Variants in FMO1 observed in about 807,000 individuals in gnomAD.
FMO1 encodes flavin-containing monooxygenase 1.
A neutral mutation model predicts 45.4 loss-of-function variants in FMO1; 36 were observed. The ratio of observed to expected loss-of-function variants is 0.79; its 90% confidence interval spans 0.61 to 1.05. The LOEUF is 1.05. FMO1 is among the 50% of genes least tolerant of loss of function. The pLI, the probability that FMO1 is intolerant of heterozygous loss-of-function variation, is 0.00. For synonymous variants in FMO1, 228 were observed against 227.2 expected, an observed-to-expected ratio of 1.00 and a Z score of -0.03; for missense variants, 615 against 640.3, an observed-to-expected ratio of 0.96 and a Z score of 0.43.
intron 2 of FMO1, among the ~76,000 whole-genome samples, chr1:171,259,756 C>T (rs10798297): frequency 0.25 from 37,424 of 152,138 alleles, 6,991 homozygotes; most frequent in African/African-American, 0.52. Context: ...CTAAAAATCA[C>T]TGATCTAAGA....
chr1:171,285,876 A>G lies in FMO1; in HGVS notation c.*332A>G. The G allele has an allele frequency of 5.3e-6, 1 of 188,760 alleles. No homozygotes were observed. Among genetic ancestry groups the G allele is most frequent in the Non-Finnish European group, 1.1e-5 (1 of 92,626 alleles). 11.7% of individuals were successfully genotyped at this position (188,760 alleles called of 1,614,324 possible). On this transcript the variant is annotated 3_prime_UTR_variant, in exon 9 of 9. Transcript: ENST00000617670. ...ACTATTTTCACAGATCTCAACTAAA[A>G]CCCCTTACTTCACAAATGATTGTGT...
chr1:171,271,469 C>T (rs1161534303), intron 3 of FMO1: 1 of 987,880 alleles, frequency 1.0e-6, no homozygotes, highest in East Asian at 2.4e-5. Flanking sequence ...TCTTAGAAAA[C>T]TCTGAGAAGT....
At chr1:171,270,974 C>T (rs1349700786) in intron 3 of FMO1, 2 of 887,994 alleles carry the variant, frequency 2.3e-6, no homozygotes, top group East Asian at 5.3e-5. Flanking sequence ...TCTTCATCTT[C>T]ATCTTCTTCA....
chr1:171,277,571 A>C (rs945508941), intron 4 of FMO1, among the ~76,000 whole-genome samples: 2 of 152,142 alleles, frequency 1.3e-5, no homozygotes, highest in African/African-American at 4.8e-5. Flanking sequence ...ACAGAGTCTC[A>C]TTTTTGTCCA....
At chr1:171,274,098 G>A (rs1011132009) in intron 3 of FMO1, among the ~76,000 whole-genome samples, 10 of 148,418 alleles carry the variant, frequency 6.7e-5, no homozygotes, top group East Asian at 5.9e-4. Context: ...GCGGTGAGCC[G>A]AGATTGCACC....
In FMO1 at chr1:171,283,234, TGC is replaced by T. The variant is rs774460814; in HGVS notation, c.1256+19_1256+20del. 4.9e-5 allele frequency: 35 copies of T among 708,126 alleles called. No homozygotes were observed. In the East Asian group the frequency reaches 1.4e-3, roughly 29 times the overall value. 43.9% of individuals were successfully genotyped at this position (708,126 alleles called of 1,614,324 possible). The stretch of plus-strand genomic sequence containing the variant: ...CCCAGTTGGTAAGTTAACTACTTAA[TGC>T]ACCCTTTTTAAATTATAACTGAAAT... On this transcript the variant is annotated intron_variant, in intron 8 of 8. Transcript: ENST00000617670.
intron 3 of FMO1, chr1:171,270,850 C>T: frequency 1.4e-6 from 1 of 695,970 alleles, no homozygotes; most frequent in Non-Finnish European, 2.3e-6. Flanking sequence ...AAAACAAATC[C>T]TACACAGACT....
At position 171,282,211 on chromosome 1, in the gene FMO1, A is replaced by G; in HGVS notation, c.1061A>G (p.Lys354Arg). Reference protein sequence around the residue: ...KVEDGQASLYKYIFPAHLQKP... With the variant: ...KVEDGQASLYRYIFPAHLQKP... ...GAAGATGGCCAGGCCTCACTGTACA[A>G]GTATATCTTCCCTGCACATCTGCAA... is the stretch of plus-strand genomic sequence containing the variant. Residue 354 changes from lysine (K) to arginine (R), a missense_variant, in exon 7 of 9, where the codon AAG (lysine) becomes AGG (arginine). Physicochemically the swap from Lys to Arg is conservative, Grantham distance 26 (BLOSUM62 2). Coordinates refer to ENST00000617670, the MANE Select transcript of FMO1 (RefSeq NM_001282693.2). The G allele has an allele frequency of 6.2e-7, 1 of 1,614,034 alleles. No homozygotes were observed. Among genetic ancestry groups the G allele is most frequent in the Non-Finnish European group, 8.5e-7 (1 of 1,179,918 alleles).
intron 3 of FMO1, among the ~76,000 whole-genome samples, chr1:171,274,148 C>CA (rs36027678): frequency 0.11 from 10,963 of 96,404 alleles, 551 homozygotes; most frequent in Non-Finnish European, 0.13. Flanking sequence ...GACTCCATCT[C>CA]AAAAAAAAAA....
intron 8 of FMO1, among the ~76,000 whole-genome samples, chr1:171,284,931 A>C (rs1290146159): frequency 1.3e-5 from 2 of 152,092 alleles, no homozygotes; most frequent in African/African-American, 4.8e-5. Context: ...TTTCCTCTAG[A>C]AATTGCTAAT....
chr1:171,252,395 C>A (rs899040685), intron 1 of FMO1, among the ~76,000 whole-genome samples: 2 of 152,164 alleles, frequency 1.3e-5, no homozygotes, highest in Non-Finnish European at 2.9e-5. Flanking sequence ...TATTGGCATC[C>A]TCTCCCCCTG....
At chr1:171,277,038 A>G (rs1192879091) in intron 4 of FMO1, among the ~76,000 whole-genome samples, 1 of 152,190 alleles carries the variant, frequency 6.6e-6, no homozygotes, top group Admixed American at 6.5e-5. Context: ...GAAGAGCTCT[A>G]CAAGGCTTGC....
chr1:171,281,711 G>A (rs1175294206), intron 6 of FMO1, among the ~76,000 whole-genome samples: 12 of 152,152 alleles, frequency 7.9e-5, no homozygotes, highest in Admixed American at 7.9e-4. Context: ...ACAGATGAAT[G>A]CTAAAAATCA....
In FMO1 at chr1:171,271,247, C is replaced by T. The variant is rs374640583; in HGVS notation, c.321+3516C>T. 2.8e-6 allele frequency: 3 copies of T among 1,062,074 alleles called. No homozygotes were observed. In the South Asian group the frequency reaches 4.3e-5, roughly 15 times the overall value. The allele number at this position is 1,062,074 out of a possible 1,614,324, so 65.8% of individuals were successfully genotyped here. A position where few individuals can be genotyped will look rare whatever the true frequency, so the allele number is the denominator to read the frequency against. Reference sequence around the variant, plus strand: ...CTAATGGGCAGGCCAAGTTGTTCTCCTTTAATTTTTGGGTGATACTCAGAG... The same window carrying T: ...CTAATGGGCAGGCCAAGTTGTTCTCTTTTAATTTTTGGGTGATACTCAGAG... On this transcript the variant is annotated intron_variant, in intron 3 of 8. Coordinates refer to ENST00000617670, the MANE Select transcript of FMO1 (RefSeq NM_001282693.2).
rs2101799747 is a variant in FMO1, at chr1:171,258,192, T to C, written c.105T>C (p.Asp35=). The C allele has an allele frequency of 3.7e-6, 6 of 1,614,176 alleles. No homozygotes were observed. Among genetic ancestry groups the C allele is most frequent in the Admixed American group, 1.7e-5 (1 of 60,026 alleles). Reference sequence around the variant, plus strand: ...AGCCCACCTGCTTTGAGAGGAGCGATGACCTTGGGGGGCTGTGGAGATTCA... The same window carrying C: ...AGCCCACCTGCTTTGAGAGGAGCGACGACCTTGGGGGGCTGTGGAGATTCA... ...GLEPTCFERS[D]DLGGLWRFTE... is the part of the protein sequence containing the mutation. The change falls in exon 2 of 9, where the codon GAT becomes GAC. Residue 35 remains aspartate, a synonymous_variant. Transcript: ENST00000617670.
At chr1:171,267,474 C>T (rs567578525) in intron 2 of FMO1, 69 bp from the exon 3 acceptor site, 39 of 1,107,114 alleles carry the variant, frequency 3.5e-5, no homozygotes, top group Admixed American at 1.9e-4. Flanking sequence ...GCATCTGGAC[C>T]GGTGAGTTCT....
Position 171,285,687 on chromosome 1 carries a change from C to A in FMO1, c.*143C>A, listed in dbSNP as rs945864368. ...CTCGCTTCCCTGGCTGGCCCCAGGG[C>A]TACCACTGGTATTCCTGAGCCTCTC... On this transcript the variant is annotated 3_prime_UTR_variant, in exon 9 of 9. Transcript: ENST00000617670. 3 of 447,198 alleles carry A rather than the reference C, an allele frequency of 6.7e-6. No homozygotes were observed. Among genetic ancestry groups the A allele is most frequent in the Non-Finnish European group, 1.2e-5 (3 of 260,514 alleles). 27.7% of individuals were successfully genotyped at this position (447,198 alleles called of 1,614,324 possible).
chr1:171,273,426 C>T (rs1301995833), intron 3 of FMO1, among the ~76,000 whole-genome samples: 1 of 152,168 alleles, frequency 6.6e-6, no homozygotes, highest in East Asian at 1.9e-4. Flanking sequence ...TGAATATATA[C>T]AACATATAAA....
chr1:171,265,848 A>G (rs1256460883), intron 2 of FMO1, among the ~76,000 whole-genome samples: 3 of 152,228 alleles, frequency 2.0e-5, no homozygotes, highest in South Asian at 2.1e-4. Flanking sequence ...ATTTCTAAAC[A>G]TTGCTTAACA....
Sources: allele counts gnomAD v4.1 joint callset (sites outside exome capture counted in the v4.1 genomes callset), GRCh38; gene constraint gnomAD v4.1.1; transcripts MANE v1.5; gene names NCBI Gene and HGNC (gene_info 2026-07-23, HGNC 2026-07-21).